SPACA7: variants seen among roughly 807,000 people sequenced by gnomAD.
The protein encoded by SPACA7 is sperm acrosome-associated protein 7.
Under a neutral mutation model 26.3 loss-of-function variants are expected in SPACA7, and 19 were observed. The ratio of observed to expected loss-of-function variants is 0.72; its 90% confidence interval spans 0.50 to 1.06. SPACA7 has a LOEUF of 1.06. SPACA7 is among the 50% of genes least tolerant of loss of function. The pLI, the probability that SPACA7 is intolerant of heterozygous loss-of-function variation, is 0.00. For synonymous variants in SPACA7, 84 were observed against 84.5 expected (o/e 0.99, Z 0.04); for missense variants, 211 against 229.9 (o/e 0.92, Z 0.53).
At chr13:112,400,031 C>G (rs923569641) in intron 4 of SPACA7, among the ~76,000 whole-genome samples, 1 of 152,152 alleles carries the variant, frequency 6.6e-6, no homozygotes, top group Admixed American at 6.5e-5. Flanking sequence ...CAGGTCCCTC[C>G]CCTAACACTG....
chr13:112,378,696 A>T (rs76491939), intron 1 of SPACA7: 235 of 471,052 alleles, frequency 5.0e-4, no homozygotes, highest in Middle Eastern at 1.9e-3. Flanking sequence ...TTCTTCACTC[A>T]CCTGTGGGAT....
rs868036548 is a variant in SPACA7, at chr13:112,396,123, T to C, written c.152-1926T>C. Reference sequence around the variant, plus strand: ...CCGCCTCAGGGAATCCCAGGGTGTCTGCAACTTGAGGAGTTTGGGTCCCCA... The same window carrying C: ...CCGCCTCAGGGAATCCCAGGGTGTCCGCAACTTGAGGAGTTTGGGTCCCCA... On this transcript the variant is annotated intron_variant, in intron 2 of 6. Transcript: ENST00000283550. Among the ~76,000 whole-genome samples the C allele has an allele frequency of 2.9e-5, 4 of 137,586 alleles. No individual in the cohort carries two copies. In the Middle Eastern group the frequency reaches 0.011, roughly 394 times the overall value. 90.3% of individuals were successfully genotyped at this position (137,586 alleles called of 152,430 possible). A position where few individuals can be genotyped will look rare whatever the true frequency, so the allele number is the denominator to read the frequency against.
chr13:112,415,208 T>G (rs1429180619), intron 5 of SPACA7, among the ~76,000 whole-genome samples: 1 of 152,188 alleles, frequency 6.6e-6, no homozygotes, highest in African/African-American at 2.4e-5. Flanking sequence ...TGCCTGGAGT[T>G]GGAAGAGGAG....
At chr13:112,380,124 A>G (rs1183818445) in intron 1 of SPACA7, among the ~76,000 whole-genome samples, 2 of 152,172 alleles carry the variant, frequency 1.3e-5, no homozygotes, top group Non-Finnish European at 2.9e-5. Flanking sequence ...TCTTATTAAG[A>G]ACAGACCAGG....
rs1351312085 is a variant in SPACA7, at chr13:112,383,161, G to GA, written c.94+6685dup. On this transcript the variant is annotated intron_variant, in intron 1 of 6. Transcript: ENST00000283550. Reference sequence around the variant, plus strand: ...AGAAAGAAAGAAAGAAAGAAAGAAAGAAAGAAAGAAAGAAAGAAAGAAAGA... The same window carrying GA: ...AGAAAGAAAGAAAGAAAGAAAGAAAGAAAAGAAAGAAAGAAAGAAAGAAAGA... Among the ~76,000 whole-genome samples, 142 of 122,012 alleles carry GA rather than the reference G, an allele frequency of 1.2e-3. 1 individual carries two copies. Among genetic ancestry groups the GA allele is most frequent in the African/African-American group, 4.3e-3 (129 of 30,028 alleles). 80.0% of individuals were successfully genotyped at this position (122,012 alleles called of 152,430 possible).
At chr13:112,418,822 C>T (rs542773197) in intron 5 of SPACA7, among the ~76,000 whole-genome samples, 2 of 152,052 alleles carry the variant, frequency 1.3e-5, no homozygotes, top group African/African-American at 2.4e-5. Flanking sequence ...GACATAAGTA[C>T]GTTTCAGGTT....
intron 5 of SPACA7, among the ~76,000 whole-genome samples, chr13:112,424,335 G>A (rs967465736): frequency 6.6e-5 from 10 of 152,132 alleles, no homozygotes; most frequent in East Asian, 1.9e-4. Flanking sequence ...ACACTGAAGT[G>A]GAGCTTCTGC....
intron 2 of SPACA7, among the ~76,000 whole-genome samples, chr13:112,395,455 G>A (rs1352723952): frequency 6.6e-6 from 1 of 152,160 alleles, no homozygotes; most frequent in Non-Finnish European, 1.5e-5. Flanking sequence ...TGCAGGTGTG[G>A]TTGGCTCTGT....
At chr13:112,423,010 T>C (rs967799207) in intron 5 of SPACA7, among the ~76,000 whole-genome samples, 1 of 152,232 alleles carries the variant, frequency 6.6e-6, no homozygotes, top group Non-Finnish European at 1.5e-5. Context: ...TGCTACATTT[T>C]CTAGGATTTT....
intron 6 of SPACA7, among the ~76,000 whole-genome samples, chr13:112,432,931 G>A (rs1877311059): frequency 6.6e-6 from 1 of 152,144 alleles, no homozygotes; most frequent in Non-Finnish European, 1.5e-5. Context: ...CCTCTCGTGG[G>A]GTGGGGACCC....
intron 5 of SPACA7, among the ~76,000 whole-genome samples, chr13:112,410,369 A>AT (rs1367117880): frequency 6.6e-6 from 1 of 151,596 alleles, no homozygotes; most frequent in African/African-American, 2.4e-5. Flanking sequence ...GTACAATTAA[A>AT]AAAATATATA....
chr13:112,409,985 G>A (rs1886241664), intron 5 of SPACA7, among the ~76,000 whole-genome samples: 1 of 152,162 alleles, frequency 6.6e-6, no homozygotes, highest in African/African-American at 2.4e-5. Flanking sequence ...ATCAATGATA[G>A]ACTGGATTAA....
chr13:112,422,042 T>C (rs934111553), intron 5 of SPACA7, among the ~76,000 whole-genome samples: 4 of 151,944 alleles, frequency 2.6e-5, no homozygotes, highest in African/African-American at 9.7e-5. Context: ...TGAAATAATC[T>C]GTACAACAAA....
At chr13:112,394,359 G>A (rs2138923959) in intron 2 of SPACA7, among the ~76,000 whole-genome samples, 1 of 151,836 alleles carries the variant, frequency 6.6e-6, no homozygotes, top group South Asian at 2.1e-4. Flanking sequence ...GGTCGGGGTA[G>A]AGGATGGGGC....
chr13:112,405,297 G>A (rs377297094), intron 5 of SPACA7, among the ~76,000 whole-genome samples: 2 of 151,576 alleles, frequency 1.3e-5, no homozygotes, highest in East Asian at 3.9e-4. Context: ...TCTAGTTTTA[G>A]ACCTCAGTAA....
chr13:112,392,596 C>T (rs766277526), intron 1 of SPACA7, among the ~76,000 whole-genome samples: 5 of 152,174 alleles, frequency 3.3e-5, no homozygotes, highest in South Asian at 2.1e-4. Context: ...GCACTGTGGG[C>T]GCCTTTCACG....
chr13:112,416,424 T>C (rs1204816037), intron 5 of SPACA7, among the ~76,000 whole-genome samples: 2 of 152,014 alleles, frequency 1.3e-5, no homozygotes, highest in Non-Finnish European at 1.5e-5. Context: ...GTAGCTGGGA[T>C]TATAGGCACC....
chr13:112,434,509 A>G lies in SPACA7; in HGVS notation c.548A>G (p.Gln183Arg), dbSNP rs1323449755. ...SSGNIFHKEQQRTSAQRRSQG... is the reference protein window; with the variant it reads ...SSGNIFHKEQRRTSAQRRSQG... ...GGAAACATTTTCCATAAAGAGCAGC[A>G]GAGGACCAGCGCACAGAGGAGGAGC... The change falls in exon 7 of 7, where the codon CAG (glutamine) becomes CGG (arginine). Residue 183 changes from glutamine (Q) to arginine (R), a missense_variant. Physicochemically the swap from Gln to Arg is conservative, Grantham distance 43. Coordinates refer to ENST00000283550, the MANE Select transcript of SPACA7 (RefSeq NM_145248.5). 1 of 1,610,922 alleles carries G rather than the reference A, an allele frequency of 6.2e-7. No homozygotes were observed. Among genetic ancestry groups the G allele is most frequent in the Non-Finnish European group, 8.5e-7 (1 of 1,178,750 alleles).
At chr13:112,383,537 T>C (rs1249144807) in intron 1 of SPACA7, among the ~76,000 whole-genome samples, 3 of 152,240 alleles carry the variant, frequency 2.0e-5, no homozygotes, top group Admixed American at 6.5e-5. Flanking sequence ...CTTTGTTCCA[T>C]GAAGAATTTT....
Sources: gnomAD v4.1 joint callset for allele counts (sites outside exome capture counted in the v4.1 genomes callset) on GRCh38, gnomAD v4.1.1 for gene constraint, MANE v1.5 for transcripts, NCBI Gene and HGNC (gene_info 2026-07-23, HGNC 2026-07-21) for gene names.